The following TGS1 variants were observed in gnomAD, a reference collection of about 807,000 sequenced individuals.
TGS1 encodes the protein trimethylguanosine synthase 1, also known as trimethylguanosine synthase.
TGS1 carries 69 observed loss-of-function variants against 92.2 expected under a neutral mutation model. The observed-to-expected ratio is 0.75, with a 90% confidence interval of 0.62 to 0.91. The LOEUF (loss-of-function observed/expected upper bound fraction) is 0.91. Among genes scored for constraint, TGS1 ranks in the 40% least tolerant of loss-of-function variants. The pLI, the probability that TGS1 is intolerant of heterozygous loss-of-function variation, is 0.00. For missense variants in TGS1, 1,062 were observed against 1,001.2 expected (o/e 1.06, Z -0.82); for synonymous variants, 345 against 338.1 (o/e 1.02, Z -0.22).
At chr8:55,790,921 G>A (rs1227080106) in intron 5 of TGS1, among the ~76,000 whole-genome samples, 1 of 151,882 alleles carries the variant, frequency 6.6e-6, no homozygotes, top group Non-Finnish European at 1.5e-5. Flanking sequence ...ACACTTAGTA[G>A]CTATCAATGG....
At chr8:55,799,288 C>G in intron 8 of TGS1, 68 bp downstream of exon 8, 1 of 1,420,852 alleles carries the variant, frequency 7.0e-7, no homozygotes, top group Non-Finnish European at 9.3e-7. Flanking sequence ...TATGTTTTTT[C>G]TTAGTTTTCA....
intron 6 of TGS1, among the ~76,000 whole-genome samples, chr8:55,794,502 A>G (rs776380863): frequency 5.9e-5 from 9 of 152,196 alleles, no homozygotes; most frequent in Non-Finnish European, 1.2e-4. Context: ...AGTGGCTCAC[A>G]CCTGTAATCC....
intron 2 of TGS1, 46 bp from the exon 3 acceptor site, chr8:55,785,673 C>T (rs1233078746): frequency 7.3e-7 from 1 of 1,360,552 alleles, no homozygotes; most frequent in East Asian, 2.6e-5. Context: ...AGAAAACCTG[C>T]CTCTTAAGTT....
intron 1 of TGS1, among the ~76,000 whole-genome samples, chr8:55,778,068 T>G (rs1372287436): frequency 6.6e-6 from 1 of 152,024 alleles, no homozygotes; most frequent in African/African-American, 2.4e-5. Context: ...GCCCAGAAGT[T>G]CAAGACCAGT....
chr8:55,809,964 T>C (rs1031645839), intron 10 of TGS1, among the ~76,000 whole-genome samples: 7 of 152,242 alleles, frequency 4.6e-5, no homozygotes, highest in African/African-American at 1.4e-4. Context: ...CTTACAAATG[T>C]GAATGTTTAT....
chr8:55,802,310 C>G, intron 8 of TGS1, 147 bp from the exon 9 acceptor site: 1 of 618,166 alleles, frequency 1.6e-6, no homozygotes, highest in South Asian at 2.3e-5. Context: ...AGTGGCGTTT[C>G]CATCAGGCTC....
rs753411891 is a variant in TGS1, at chr8:55,798,935, G to T, written c.1564G>T (p.Val522Phe). The T allele has an allele frequency of 1.4e-5, 23 of 1,608,552 alleles. No individual in the cohort carries two copies. Among genetic ancestry groups the T allele is most frequent in the Non-Finnish European group, 1.9e-5 (22 of 1,178,398 alleles). ...LSKVEKFLTW[V>F]NKPMDEEASQ... ...TAAGGTAGAAAAATTCCTCACATGG[G>T]TTAATAAACCAATGGATGAAGAAGC... The change falls in exon 8 of 13, where the codon GTT becomes TTT. Residue 522 changes from valine to phenylalanine, a missense_variant. By Grantham distance (50) the Val-to-Phe change is conservative. Coordinates refer to ENST00000260129, the MANE Select transcript of TGS1 (RefSeq NM_024831.8).
intron 6 of TGS1, among the ~76,000 whole-genome samples, chr8:55,793,754 A>T (rs1160903239): frequency 4.7e-5 from 7 of 149,300 alleles, no homozygotes; most frequent in African/African-American, 1.7e-4. Context: ...TTATTTATTT[A>T]TTTATTTATT....
chr8:55,802,371 T>A, intron 8 of TGS1, 86 bp from the exon 9 acceptor site: 2 of 1,108,864 alleles, frequency 1.8e-6, no homozygotes, highest in South Asian at 2.9e-5. Context: ...TGTAATTATT[T>A]GATGTGGCTT....
chr8:55,773,740 C>T lies in TGS1; in HGVS notation c.101+21C>T. ...GTGGAGTAAGTAGAAAAGAGAATCT[C>T]TTCATGTTCTAGCACAGTCATTACC... is the stretch of plus-strand genomic sequence containing the variant. On this transcript the variant is annotated intron_variant, in intron 1 of 12. Coordinates refer to ENST00000260129, the MANE Select transcript of TGS1 (RefSeq NM_024831.8). 3.2e-6 allele frequency: 5 copies of T among 1,575,942 alleles called. No homozygotes were observed. In the South Asian group the frequency reaches 3.4e-5, roughly 11 times the overall value.
In TGS1 at chr8:55,802,466, A is replaced by G. The variant is rs1046528693; in HGVS notation, c.1859A>G (p.Lys620Arg). Reference protein sequence around the residue: ...SRQAETEAEVKKKKNKKKNKK... With the variant: ...SRQAETEAEVRKKKNKKKNKK... ...TTGTATTTTATTTTAGCTGAAGTGA[A>G]AAAGAAGAAGAACAAGAAGAAGAAC... The change falls in exon 9 of 13, where the codon AAA (lysine) becomes AGA (arginine). Residue 620 changes from lysine (K) to arginine (R), a missense_variant. Coordinates refer to ENST00000260129, the MANE Select transcript of TGS1 (RefSeq NM_024831.8). 2 of 1,613,420 alleles carry G rather than the reference A, an allele frequency of 1.2e-6. No individual in the cohort carries two copies. Among genetic ancestry groups the G allele is most frequent in the Admixed American group, 3.3e-5 (2 of 59,886 alleles).
At chr8:55,787,119 CAAAA>C in intron 4 of TGS1, 59 bp downstream of exon 4, 1 of 1,175,580 alleles carries the variant, frequency 8.5e-7, no homozygotes, top group Non-Finnish European at 1.2e-6. Context: ...ATTCATTTAG[CAAAA>C]TAACTACTAA....
At chr8:55,803,912 G>A (rs950315752) in intron 9 of TGS1, among the ~76,000 whole-genome samples, 1 of 151,864 alleles carries the variant, frequency 6.6e-6, no homozygotes, top group South Asian at 2.1e-4. Context: ...TCAAACTCCT[G>A]TGCTCAAGTG....
intron 5 of TGS1, among the ~76,000 whole-genome samples, chr8:55,791,175 G>A (rs1811877091): frequency 6.6e-6 from 1 of 152,154 alleles, no homozygotes; most frequent in Non-Finnish European, 1.5e-5. Flanking sequence ...AACTCTACTC[G>A]AAGCAGTGCA....
chr8:55,806,118 G>T (rs1812361827), intron 10 of TGS1, among the ~76,000 whole-genome samples: 1 of 151,640 alleles, frequency 6.6e-6, no homozygotes, highest in African/African-American at 2.4e-5. Context: ...CACTTTAGGA[G>T]GCCGAGGCAG....
chr8:55,790,424 T>C (rs1404359122), intron 5 of TGS1, 125 bp downstream of exon 5: 5 of 677,868 alleles, frequency 7.4e-6, no homozygotes, highest in African/African-American at 7.1e-5. Flanking sequence ...AGGCAGGATC[T>C]ACTGGTAAGA....
chr8:55,782,955 A>G (rs1811608598), intron 2 of TGS1, 143 bp downstream of exon 2: 4 of 597,142 alleles, frequency 6.7e-6, no homozygotes, highest in South Asian at 4.8e-5. Flanking sequence ...GACAATTTTT[A>G]TTTTCTTTTA....
At chr8:55,823,691 G>A (rs1252317917) in intron 12 of TGS1, among the ~76,000 whole-genome samples, 1 of 152,146 alleles carries the variant, frequency 6.6e-6, no homozygotes. Context: ...GAATGAGAGA[G>A]AGGGTGAGAT....
chr8:55,781,468 A>G (rs1178032780), intron 1 of TGS1, among the ~76,000 whole-genome samples: 3 of 152,230 alleles, frequency 2.0e-5, no homozygotes, highest in African/African-American at 7.2e-5. Flanking sequence ...ATTATCTTCA[A>G]CACATTTACA....
Sources: allele counts gnomAD v4.1 joint callset (sites outside exome capture counted in the v4.1 genomes callset), GRCh38; gene constraint gnomAD v4.1.1; transcripts MANE v1.5; gene names NCBI Gene and HGNC (gene_info 2026-07-23, HGNC 2026-07-21).